Variants in IQCH observed in about 807,000 individuals in gnomAD.
IQCH encodes the protein IQ domain-containing protein H.
A neutral mutation model predicts 117.0 loss-of-function variants in IQCH; 98 were observed. The ratio of observed to expected loss-of-function variants is 0.84; its 90% CI spans 0.71 to 0.99. IQCH has a LOEUF of 0.99. Among genes scored for constraint, IQCH ranks in the 50% least tolerant of loss-of-function variants. The pLI is 0.00. For synonymous variants in IQCH, 412 were observed against 448.2 expected (o/e 0.92, Z 1.02); for missense variants, 1,102 against 1,243.8 (o/e 0.89, Z 1.72).
At chr15:67,303,144 T>C (rs1967135028) in intron 4 of IQCH, among the ~76,000 whole-genome samples, 1 of 152,170 alleles carries the variant, frequency 6.6e-6, no homozygotes, top group Non-Finnish European at 1.5e-5. Flanking sequence ...GGAAAACAGT[T>C]AGGTTGCTCA....
rs1378476915 is a variant in IQCH, at chr15:67,475,218, G to A, written c.2677-478G>A. ...AGGGCCAGGTGTGGTGGCTCACGCC[G>A]GTAATTCCAGCATTTTGGGAGGCCG... On this transcript the variant is annotated intron_variant, in intron 17 of 20. Coordinates refer to ENST00000335894, the MANE Select transcript of IQCH (RefSeq NM_001031715.3). This position sits in a 1 kb window ranked among gnomAD's most constrained non-coding sequence, Gnocchi z 5.7. Among the ~76,000 whole-genome samples the A allele has an allele frequency of 2.6e-5, 4 of 152,056 alleles. No homozygotes were observed. The highest frequency in any genetic ancestry group is 2.1e-4 in the South Asian group (1 of 4,818).
intron 4 of IQCH, among the ~76,000 whole-genome samples, chr15:67,328,802 C>T (rs754414692): frequency 6.6e-6 from 1 of 152,128 alleles, no homozygotes; most frequent in Non-Finnish European, 1.5e-5. Flanking sequence ...AGAATACATA[C>T]TGTAATAATC....
At chr15:67,328,239 A>C (rs1356192608) in intron 4 of IQCH, among the ~76,000 whole-genome samples, 3 of 152,090 alleles carry the variant, frequency 2.0e-5, no homozygotes, top group Non-Finnish European at 4.4e-5. Context: ...CTCCACCATT[A>C]CCATAAAAGT....
rs2083968809 is a variant in IQCH, at chr15:67,501,101, T to A, written c.*355T>A. On this transcript the variant is annotated 3_prime_UTR_variant, in exon 21 of 21. Transcript: ENST00000335894. The surrounding 1 kb of genome is among the most constrained non-coding windows in gnomAD (Gnocchi z 5.2). ...AGGATTATGTAGCTTTTATTTTTTA[T>A]GTTTTATAAAGTTTTCTCCTATTTC... is the stretch of plus-strand genomic sequence containing the variant. 6.4e-6 allele frequency: 1 copy of A among 155,932 alleles called. No individual in the cohort carries two copies. The allele number at this position is 155,932 out of a possible 1,614,324, so 9.7% of individuals were successfully genotyped here.
chr15:67,307,165 G>C (rs1373916590), intron 4 of IQCH: 3 of 1,005,556 alleles, frequency 3.0e-6, no homozygotes, highest in Non-Finnish European at 1.2e-6. Context: ...AGTTGCTGTA[G>C]AATTATACCA....
chr15:67,372,478 T>C lies in IQCH; in HGVS notation c.1121T>C (p.Met374Thr), dbSNP rs374645438. Residue 374 changes from methionine to threonine, a missense_variant, in exon 9 of 21, where the codon ATG becomes ACG. Transcript: ENST00000335894. The part of the protein sequence containing the change: ...KGQDGNSEAA[M>T]KIQATWKCYK... ...CAAGATGGAAATTCGGAGGCCGCCA[T>C]GAAGATCCAAGCCACATGGAAATGC... is the stretch of plus-strand genomic sequence containing the variant. 29 of 1,614,034 alleles carry C rather than the reference T, an allele frequency of 1.8e-5. 1 individual carries two copies. In the African/African-American group the frequency reaches 2.5e-4, roughly 14 times the overall value.
intron 10 of IQCH, among the ~76,000 whole-genome samples, chr15:67,378,152 C>T (rs1184661965): frequency 6.6e-6 from 1 of 152,082 alleles, no homozygotes; most frequent in Non-Finnish European, 1.5e-5. Flanking sequence ...AGCTTGAACT[C>T]ACCTACATTT....
At chr15:67,300,133 G>C (rs1966952819) in intron 4 of IQCH, among the ~76,000 whole-genome samples, 1 of 151,808 alleles carries the variant, frequency 6.6e-6, no homozygotes, top group Admixed American at 6.6e-5. Flanking sequence ...ACTTACTTTT[G>C]CTTAATTCTT....
chr15:67,314,484 GAAA>G (rs11343033), intron 4 of IQCH, among the ~76,000 whole-genome samples: 21 of 136,222 alleles, frequency 1.5e-4, no homozygotes, highest in Non-Finnish European at 2.5e-4. Context: ...TGTGCTAAAT[GAAA>G]AAAAAAAAAA....
intron 4 of IQCH, among the ~76,000 whole-genome samples, chr15:67,312,362 G>T (rs1320244739): frequency 6.6e-6 from 1 of 152,046 alleles, no homozygotes; most frequent in Non-Finnish European, 1.5e-5. Context: ...GGGTCTGTAG[G>T]CTTCACCAGA....
At chr15:67,343,988 T>C in intron 5 of IQCH, 75 bp from the exon 6 acceptor site, 1 of 1,338,202 alleles carries the variant, frequency 7.5e-7, no homozygotes, top group South Asian at 1.3e-5. Context: ...AAGTTACACT[T>C]GTGAAATTTA....
At position 67,254,947 on chromosome 15, in the gene IQCH, G is replaced by C. The variant is rs774136973; in HGVS notation, c.51G>C (p.Gln17His). The part of the protein sequence containing the change: ...NHDPVGSILI[Q>H]IHEDLYQLKE... ...ACCCTGTCGGATCCATCTTAATCCA[G>C]GTGGGAAACGGGCTTCCCCCGGCCC... The change falls in exon 1 of 21, where the codon CAG becomes CAC. Residue 17 changes from glutamine (Q) to histidine (H), a missense_variant and splice_region_variant. Physicochemically the swap from Gln to His is conservative, Grantham distance 24. Transcript: ENST00000335894. The C allele has an allele frequency of 2.5e-6, 4 of 1,613,234 alleles. No individual in the cohort carries two copies. In the East Asian group the frequency reaches 6.7e-5, roughly 27 times the overall value.
chr15:67,465,228 C>T lies in IQCH; in HGVS notation c.2607C>T (p.Thr869=). 1 of 1,614,084 alleles carries T rather than the reference C, an allele frequency of 6.2e-7. No homozygotes were observed. Among genetic ancestry groups the T allele is most frequent in the Non-Finnish European group, 8.5e-7 (1 of 1,180,012 alleles). Residue 869 remains threonine, a synonymous_variant, in exon 17 of 21, where the codon ACC becomes ACT. Transcript: ENST00000335894. The surrounding 1 kb of genome is among the most constrained non-coding windows in gnomAD (Gnocchi z 5.9). ...GCCATCTGGATTGCAGTTTGAGCAC[C>T]CTGGAAGTGCCCCGCTTTGTTCCAA... The part of the protein sequence containing the change: ...TNGHLDCSLS[T]LEVPRFVPKE...
chr15:67,371,541 C>A (rs767080927), intron 8 of IQCH: 1 of 1,484,850 alleles, frequency 6.7e-7, no homozygotes, highest in Middle Eastern at 1.7e-4. Context: ...AAGGTGATAA[C>A]ATATAACATA....
intron 1 of IQCH, among the ~76,000 whole-genome samples, chr15:67,257,470 TGTAA>T (rs1965272046): frequency 6.6e-6 from 1 of 152,234 alleles, no homozygotes; most frequent in African/African-American, 2.4e-5. Flanking sequence ...TCAAAGGTGT[TGTAA>T]GTATTATTTT....
intron 1 of IQCH, among the ~76,000 whole-genome samples, chr15:67,256,144 T>C (rs1463093099): frequency 6.6e-6 from 1 of 152,080 alleles, no homozygotes; most frequent in Non-Finnish European, 1.5e-5. Context: ...CCAATTTTAT[T>C]ATAGTGAAGG....
chr15:67,374,152 C>G (rs1267768396), intron 10 of IQCH: 4 of 152,336 alleles, frequency 2.6e-5, no homozygotes, highest in Non-Finnish European at 5.9e-5. Flanking sequence ...TCTTTTAAGA[C>G]ATGAGCTACT....
At chr15:67,455,583 C>T (rs2082640365) in intron 16 of IQCH, among the ~76,000 whole-genome samples, 1 of 152,230 alleles carries the variant, frequency 6.6e-6, no homozygotes, top group African/African-American at 2.4e-5. Flanking sequence ...GGGCCAATGC[C>T]ACATGCTCAT....
chr15:67,305,289 T>C (rs947618164), intron 4 of IQCH, among the ~76,000 whole-genome samples: 4 of 152,080 alleles, frequency 2.6e-5, no homozygotes, highest in Admixed American at 1.3e-4. Context: ...AATAGTCTCT[T>C]AGGTTAATCT....
Sources: allele counts gnomAD v4.1 joint callset (sites outside exome capture counted in the v4.1 genomes callset), GRCh38; gene constraint gnomAD v4.1.1; non-coding constraint Gnocchi (gnomAD v3.1); transcripts MANE v1.5; gene names NCBI Gene and HGNC (gene_info 2026-07-23, HGNC 2026-07-21).